SNTG1: variants seen among roughly 807,000 people sequenced by gnomAD.
The protein encoded by SNTG1 is gamma-1-syntrophin.
Under a neutral mutation model 74.7 loss-of-function variants are expected in SNTG1, and 39 were observed. That is an observed-to-expected ratio of 0.52 (90% CI 0.40 to 0.68). The LOEUF is 0.68. Ranked by LOEUF, SNTG1 falls within the 30% of genes least tolerant of loss-of-function variation. The pLI, the probability that SNTG1 is intolerant of heterozygous loss-of-function variation, is 0.00. For synonymous variants in SNTG1, 254 were observed against 217.1 expected (o/e 1.17, Z -1.49); for missense variants, 685 against 609.5 (o/e 1.12, Z -1.30).
intron 1 of SNTG1, among the ~76,000 whole-genome samples, chr8:49,959,812 G>A (rs1037242874): frequency 6.6e-6 from 1 of 152,136 alleles, no homozygotes; most frequent in African/African-American, 2.4e-5. Context: ...TTAGTTTTTA[G>A]AATACAAATG....
chr8:50,586,652 TACAC>T (rs3036686), intron 12 of SNTG1, among the ~76,000 whole-genome samples: 2,088 of 148,734 alleles, frequency 0.014, 13 homozygotes, highest in African/African-American at 0.02. Context: ...ATTTCATTAA[TACAC>T]ACACACACAC....
intron 18 of SNTG1, among the ~76,000 whole-genome samples, chr8:50,775,062 G>A (rs2095636900): frequency 6.6e-6 from 1 of 150,482 alleles, no homozygotes; most frequent in South Asian, 2.1e-4. Context: ...AAACAGTAAT[G>A]GAAAAATAAA....
At chr8:50,128,910 A>T (rs1296852922) in intron 1 of SNTG1, among the ~76,000 whole-genome samples, 1 of 152,058 alleles carries the variant, frequency 6.6e-6, no homozygotes, top group Non-Finnish European at 1.5e-5. Flanking sequence ...CATTTTAGTG[A>T]TTTTGGGCTA....
chr8:50,558,809 C>G (rs1257779460), intron 12 of SNTG1, among the ~76,000 whole-genome samples: 1 of 151,770 alleles, frequency 6.6e-6, no homozygotes. Flanking sequence ...TATTTTCAGA[C>G]AAATAGAAAA....
At chr8:50,445,822 A>T (rs908283222) in intron 5 of SNTG1, among the ~76,000 whole-genome samples, 2 of 152,198 alleles carry the variant, frequency 1.3e-5, no homozygotes, top group Non-Finnish European at 2.9e-5. Context: ...ACCTCAGGCC[A>T]TTTATACTTC....
chr8:50,226,439 T>G (rs1289426552), intron 2 of SNTG1, among the ~76,000 whole-genome samples: 2 of 152,126 alleles, frequency 1.3e-5, no homozygotes, highest in African/African-American at 4.8e-5. Context: ...GCCCTCCCAG[T>G]CCTAAAGAGA....
intron 1 of SNTG1, among the ~76,000 whole-genome samples, chr8:50,074,699 C>G (rs985778279): frequency 6.6e-6 from 1 of 152,164 alleles, no homozygotes; most frequent in Non-Finnish European, 1.5e-5. Context: ...GAGAGGTGAC[C>G]GTGCTGGCAG....
rs866005392 is a variant in SNTG1, at chr8:50,501,430, T to G, written c.364-1348T>G. Among the ~76,000 whole-genome samples, 105 of 111,066 alleles carry G rather than the reference T, an allele frequency of 9.5e-4. 1 individual carries two copies. Among genetic ancestry groups the G allele is most frequent in the African/African-American group, 3.7e-3 (98 of 26,450 alleles). 72.9% of individuals were successfully genotyped at this position (111,066 alleles called of 152,430 possible). Reference sequence around the variant, plus strand: ...AGAGAGAGATGAGCCTGTGCGTTTTTTTTTTTTTTTTTTTTTTTTTTTTTC... The same window carrying G: ...AGAGAGAGATGAGCCTGTGCGTTTTGTTTTTTTTTTTTTTTTTTTTTTTTC... On this transcript the variant is annotated intron_variant, in intron 8 of 18. Coordinates refer to ENST00000642720, the MANE Select transcript of SNTG1 (RefSeq NM_018967.5).
At chr8:50,575,198 C>G (rs953254018) in intron 12 of SNTG1, among the ~76,000 whole-genome samples, 22 of 152,130 alleles carry the variant, frequency 1.4e-4, no homozygotes, top group Admixed American at 6.6e-4. Context: ...AGTGGAGCTA[C>G]TAATCATTTT....
chr8:49,958,279 T>C (rs1316877325), intron 1 of SNTG1, among the ~76,000 whole-genome samples: 2 of 152,122 alleles, frequency 1.3e-5, no homozygotes, highest in African/African-American at 4.8e-5. Context: ...GGCACATACC[T>C]GCGGACAGAA....
chr8:50,257,707 A>G (rs1214286761), intron 2 of SNTG1, among the ~76,000 whole-genome samples: 2 of 152,218 alleles, frequency 1.3e-5, no homozygotes, highest in African/African-American at 4.8e-5. Flanking sequence ...AACACTAGAC[A>G]TAAGTGGGAA....
intron 1 of SNTG1, among the ~76,000 whole-genome samples, chr8:50,073,030 G>C (rs1184197173): frequency 6.6e-6 from 1 of 152,154 alleles, no homozygotes; most frequent in Non-Finnish European, 1.5e-5. Context: ...CCTAAAGGCT[G>C]GGGTGGGTGG....
intron 18 of SNTG1, among the ~76,000 whole-genome samples, chr8:50,791,488 C>A (rs1010868723): frequency 6.6e-6 from 1 of 151,680 alleles, no homozygotes; most frequent in African/African-American, 2.4e-5. Flanking sequence ...GTATCGTACT[C>A]CTGTTGCATG....
At chr8:49,947,799 T>C (rs1809336574) in intron 1 of SNTG1, among the ~76,000 whole-genome samples, 1 of 152,142 alleles carries the variant, frequency 6.6e-6, no homozygotes, top group Non-Finnish European at 1.5e-5. Flanking sequence ...ATCCAAAAAA[T>C]ATGTTTTGAC....
chr8:50,244,241 C>A (rs991349548), intron 2 of SNTG1, among the ~76,000 whole-genome samples: 5 of 152,104 alleles, frequency 3.3e-5, no homozygotes, highest in Non-Finnish European at 5.9e-5. Context: ...CATGAGAAAT[C>A]CACTCCCGTG....
chr8:50,223,764 G>C (rs960243955), intron 2 of SNTG1, among the ~76,000 whole-genome samples: 5 of 152,106 alleles, frequency 3.3e-5, no homozygotes, highest in African/African-American at 1.2e-4. Flanking sequence ...TTATTGAATA[G>C]AGAAGAATAA....
intron 1 of SNTG1, among the ~76,000 whole-genome samples, chr8:50,102,085 G>T (rs921015155): frequency 6.6e-5 from 10 of 151,856 alleles, no homozygotes; most frequent in Admixed American, 6.6e-4. Context: ...GTAATGGAAT[G>T]GCTGGGTCAA....
intron 17 of SNTG1, among the ~76,000 whole-genome samples, chr8:50,742,491 G>A (rs998080186): frequency 3.3e-5 from 5 of 151,684 alleles, no homozygotes; most frequent in Admixed American, 2.0e-4. Flanking sequence ...AAATATATGA[G>A]ACAAAGCGAA....
chr8:50,331,946 A>G (rs2090982005), intron 2 of SNTG1, among the ~76,000 whole-genome samples: 1 of 152,242 alleles, frequency 6.6e-6, no homozygotes, highest in Admixed American at 6.5e-5. Flanking sequence ...GCCTGAGCTA[A>G]GGAAAAAGAT....
Sources: gnomAD v4.1 joint callset for allele counts (sites outside exome capture counted in the v4.1 genomes callset) on GRCh38, gnomAD v4.1.1 for gene constraint, MANE v1.5 for transcripts, NCBI Gene and HGNC (gene_info 2026-07-23, HGNC 2026-07-21) for gene names.